CSMD1: variants seen among roughly 807,000 people sequenced by gnomAD.
The protein encoded by CSMD1 is CUB and sushi domain-containing protein 1.
Under a neutral mutation model 417.5 loss-of-function variants are expected in CSMD1, and 213 were observed. The ratio of observed to expected loss-of-function variants is 0.51; its 90% confidence interval spans 0.46 to 0.57. The LOEUF (loss-of-function observed/expected upper bound fraction) is 0.57. CSMD1 is among the 20% of genes least tolerant of loss of function. CSMD1 has a pLI of 0.00. For missense variants in CSMD1, 6,923 were observed against 4,529.7 expected (o/e 1.53, Z -15.17); for synonymous variants, 2,862 against 1,736.8 (o/e 1.65, Z -16.11).
At chr8:4,856,130 A>T (rs570546498) in intron 1 of CSMD1, among the ~76,000 whole-genome samples, 1 of 151,544 alleles carries the variant, frequency 6.6e-6, no homozygotes, top group Non-Finnish European at 1.5e-5. Flanking sequence ...AAAGACAAGA[A>T]TTTTCAACCC....
chr8:4,708,874 G>C (rs1176014029), intron 1 of CSMD1, among the ~76,000 whole-genome samples: 2 of 152,172 alleles, frequency 1.3e-5, no homozygotes, highest in Non-Finnish European at 1.5e-5. Context: ...AGGGAAATTA[G>C]AATTCAAAAC....
At chr8:3,559,345 CAG>C (rs1240164880) in intron 10 of CSMD1, among the ~76,000 whole-genome samples, 1 of 152,158 alleles carries the variant, frequency 6.6e-6, no homozygotes, top group Non-Finnish European at 1.5e-5. Flanking sequence ...ATGGTCTGAA[CAG>C]AGGTTTAAAG....
chr8:4,001,497 G>A (rs1271007692), intron 4 of CSMD1, among the ~76,000 whole-genome samples: 1 of 152,156 alleles, frequency 6.6e-6, no homozygotes, highest in Non-Finnish European at 1.5e-5. Context: ...ACAGAACTGT[G>A]CTGGTGCCCA....
Position 4,977,555 on chromosome 8 carries a change from G to A in CSMD1, c.85+16777C>T, listed in dbSNP as rs140053444. ...CCTTTGAGAGGGAACACAGCGCACA[G>A]TGGCTGGCTCCAGCCCGCCTTTGGG... On this transcript the variant is annotated intron_variant, in intron 1 of 69. Transcript: ENST00000635120. Among the ~76,000 whole-genome samples, 4 of 152,308 alleles carry A rather than the reference G, an allele frequency of 2.6e-5. No individual in the cohort carries two copies. In the South Asian group the frequency reaches 8.3e-4, roughly 32 times the overall value.
chr8:3,733,168 TACACACACACACAC>T (rs75223191), intron 6 of CSMD1, among the ~76,000 whole-genome samples: 49 of 140,482 alleles, frequency 3.5e-4, no homozygotes, highest in East Asian at 2.9e-3. Context: ...AGGCCATAAA[TACACACACACACAC>T]ACACACACAC....
intron 3 of CSMD1, among the ~76,000 whole-genome samples, chr8:4,081,792 A>T (rs1449899897): frequency 3.9e-5 from 6 of 152,308 alleles, no homozygotes; most frequent in African/African-American, 1.4e-4. Context: ...AAAACACTTG[A>T]ATACACAATG....
At chr8:4,117,801 G>A (rs150404675) in intron 3 of CSMD1, among the ~76,000 whole-genome samples, 3 of 152,198 alleles carry the variant, frequency 2.0e-5, no homozygotes, top group South Asian at 2.1e-4. Flanking sequence ...GGCTCAGAAC[G>A]TATCCTAGAG....
At chr8:4,693,947 T>C (rs1806949492) in intron 1 of CSMD1, among the ~76,000 whole-genome samples, 1 of 152,210 alleles carries the variant, frequency 6.6e-6, no homozygotes, top group Non-Finnish European at 1.5e-5. Flanking sequence ...TTATTGTCCA[T>C]GTCATCACAT....
intron 1 of CSMD1, among the ~76,000 whole-genome samples, chr8:4,672,857 G>A (rs1805413627): frequency 6.6e-6 from 1 of 151,968 alleles, no homozygotes; most frequent in African/African-American, 2.4e-5. Context: ...GTACACATAT[G>A]CATGCATACA....
chr8:4,118,267 A>T lies in CSMD1; in HGVS notation c.416-86168T>A, dbSNP rs1046133346. On this transcript the variant is annotated intron_variant, in intron 3 of 69. Coordinates refer to ENST00000635120, the MANE Select transcript of CSMD1 (RefSeq NM_033225.6). The stretch of plus-strand genomic sequence containing the variant: ...AACTAAACTTCTGAAACATGCCCTT[A>T]AGAAATGCTCACATGTGAAGAAGTT... Among the ~76,000 whole-genome samples the T allele has an allele frequency of 2.0e-5, 3 of 152,202 alleles. No homozygotes were observed. The East Asian group carries it at 5.8e-4, about 29-fold the overall frequency.
intron 1 of CSMD1, among the ~76,000 whole-genome samples, chr8:4,758,551 G>A (rs145299743): frequency 1.3e-5 from 2 of 152,274 alleles, no homozygotes; most frequent in South Asian, 2.1e-4. Flanking sequence ...AAACGTCAGT[G>A]TATTAGTCCA....
intron 1 of CSMD1, among the ~76,000 whole-genome samples, chr8:4,985,574 A>T (rs965683023): frequency 2.0e-5 from 3 of 152,178 alleles, no homozygotes; most frequent in African/African-American, 7.2e-5. Context: ...TCAGACTAAA[A>T]ATGTGTATAT....
chr8:3,428,792 C>T (rs270065), intron 12 of CSMD1, among the ~76,000 whole-genome samples: 132,380 of 152,174 alleles, frequency 0.87, 57,903 homozygotes, highest in Non-Finnish European at 0.92. Flanking sequence ...AGCCAAGATA[C>T]GGAAAGAACC....
At chr8:3,370,236 A>T (rs561254356) in intron 18 of CSMD1, among the ~76,000 whole-genome samples, 2 of 152,324 alleles carry the variant, frequency 1.3e-5, no homozygotes, top group East Asian at 1.9e-4. Flanking sequence ...CTTTTATTTC[A>T]TATCTTAAGA....
chr8:4,560,048 C>G (rs1798260885), intron 2 of CSMD1, among the ~76,000 whole-genome samples: 1 of 152,214 alleles, frequency 6.6e-6, no homozygotes. Flanking sequence ...CCACCTGCCA[C>G]CCTTGGGGTC....
At chr8:4,359,726 GT>G (rs1801642424) in intron 3 of CSMD1, among the ~76,000 whole-genome samples, 1 of 152,186 alleles carries the variant, frequency 6.6e-6, no homozygotes, top group African/African-American at 2.4e-5. Flanking sequence ...CAGGAGCACT[GT>G]GGCCTGGCCC....
intron 2 of CSMD1, among the ~76,000 whole-genome samples, chr8:4,562,403 T>C (rs1327794750): frequency 1.3e-5 from 2 of 152,162 alleles, no homozygotes; most frequent in East Asian, 1.9e-4. Context: ...CTCAAATTAG[T>C]AAATTATTTT....
At chr8:4,091,832 A>G (rs1800737570) in intron 3 of CSMD1, among the ~76,000 whole-genome samples, 1 of 152,214 alleles carries the variant, frequency 6.6e-6, no homozygotes, top group South Asian at 2.1e-4. Flanking sequence ...AAAATGGACT[A>G]TTTAGCAATG....
chr8:3,211,393 T>C (rs1434361542), intron 30 of CSMD1, among the ~76,000 whole-genome samples: 1 of 152,300 alleles, frequency 6.6e-6, no homozygotes, highest in East Asian at 1.9e-4. Flanking sequence ...AATTGTGTGG[T>C]CTATAACAGC....
Sources: allele counts gnomAD v4.1 joint callset (sites outside exome capture counted in the v4.1 genomes callset), GRCh38; gene constraint gnomAD v4.1.1; transcripts MANE v1.5; gene names NCBI Gene and HGNC (gene_info 2026-07-23, HGNC 2026-07-21).